Variants in RABGAP1L observed in about 807,000 individuals in gnomAD.
The protein encoded by RABGAP1L is RAB GTPase activating protein 1 like, also known as rab GTPase-activating protein 1-like.
Under a neutral mutation model 137.7 loss-of-function variants are expected in RABGAP1L, and 63 were observed. The ratio of observed to expected loss-of-function variants is 0.46; its 90% CI spans 0.37 to 0.56. The LOEUF is 0.56. Ranked by LOEUF, RABGAP1L falls within the 20% of genes least tolerant of loss-of-function variation. The pLI, the probability that RABGAP1L is intolerant of heterozygous loss-of-function variation, is 0.00. For missense variants in RABGAP1L, 1,095 were observed against 1,244.0 expected, an observed-to-expected ratio of 0.88 and a Z score of 1.80; for synonymous variants, 431 against 433.7, an observed-to-expected ratio of 0.99 and a Z score of 0.08.
chr1:174,612,662 T>G (rs536967580), intron 13 of RABGAP1L, among the ~76,000 whole-genome samples: 16 of 152,330 alleles, frequency 1.1e-4, no homozygotes, highest in Admixed American at 8.5e-4. Flanking sequence ...TCTGGTAGAA[T>G]TCGGCTGTGA....
intron 19 of RABGAP1L, among the ~76,000 whole-genome samples, chr1:174,831,698 G>T (rs1692131257): frequency 1.4e-5 from 2 of 147,682 alleles, no homozygotes; most frequent in African/African-American, 5.0e-5. Flanking sequence ...ATTTTTCATG[G>T]AGGTTCATGG....
chr1:174,873,214 A>T (rs1053729868), intron 19 of RABGAP1L, among the ~76,000 whole-genome samples: 1 of 151,756 alleles, frequency 6.6e-6, no homozygotes, highest in Non-Finnish European at 1.5e-5. Context: ...GACTACAGGC[A>T]CACACCACCA....
At chr1:174,672,603 T>C (rs1400119313) in intron 14 of RABGAP1L, among the ~76,000 whole-genome samples, 1 of 152,146 alleles carries the variant, frequency 6.6e-6, no homozygotes, top group Non-Finnish European at 1.5e-5. Context: ...TTGCTGTAAT[T>C]TTCCCTCTCA....
chr1:174,840,677 G>A (rs906891050), intron 19 of RABGAP1L, among the ~76,000 whole-genome samples: 9 of 151,058 alleles, frequency 6.0e-5, no homozygotes, highest in African/African-American at 1.9e-4. Flanking sequence ...TTAGCTGGGC[G>A]TGGTGGCAGG....
intron 13 of RABGAP1L, among the ~76,000 whole-genome samples, chr1:174,578,952 A>G (rs762531856): frequency 1.3e-5 from 2 of 152,158 alleles, no homozygotes; most frequent in Non-Finnish European, 2.9e-5. Context: ...TTTCATACAT[A>G]TGAGACTTTC....
chr1:174,290,530 G>A (rs978395087), intron 10 of RABGAP1L, among the ~76,000 whole-genome samples: 2 of 152,186 alleles, frequency 1.3e-5, no homozygotes, highest in African/African-American at 4.8e-5. Context: ...GTTCTTGTAT[G>A]TAGATAGTTG....
intron 11 of RABGAP1L, among the ~76,000 whole-genome samples, chr1:174,344,110 A>C (rs1682227918): frequency 6.6e-6 from 1 of 152,186 alleles, no homozygotes; most frequent in African/African-American, 2.4e-5. Flanking sequence ...TAAGAAATTT[A>C]AATGTTCTGG....
intron 12 of RABGAP1L, among the ~76,000 whole-genome samples, chr1:174,372,876 A>G (rs976706880): frequency 6.6e-6 from 1 of 152,208 alleles, no homozygotes; most frequent in Non-Finnish European, 1.5e-5. Context: ...TTGCATTGCC[A>G]TTATGTTATA....
chr1:174,762,807 C>CTTT lies in RABGAP1L; in HGVS notation c.2211+10476_2211+10478dup, dbSNP rs71563260. On this transcript the variant is annotated intron_variant, in intron 18 of 25. Coordinates refer to ENST00000681986, the MANE Select transcript of RABGAP1L (RefSeq NM_001366446.1). ...GCTTTTTCAACCCAGGTCTCCTTTG[C>CTTT]TTTTTTTTTTTTTTTTTTTTTTTTT... is the stretch of plus-strand genomic sequence containing the variant. Among the ~76,000 whole-genome samples, 107 of 81,808 alleles carry CTTT rather than the reference C, an allele frequency of 1.3e-3. 1 individual carries two copies. The highest frequency in any genetic ancestry group is 1.6e-3 in the Non-Finnish European group (68 of 42,648). The allele number at this position is 81,808 out of a possible 152,430, so 53.7% of individuals were successfully genotyped here.
intron 19 of RABGAP1L, among the ~76,000 whole-genome samples, chr1:174,956,969 G>A (rs1160779908): frequency 6.6e-6 from 1 of 152,086 alleles, no homozygotes. Flanking sequence ...ATTTCTTGTA[G>A]CTCAATTTTT....
chr1:174,550,961 C>CAT (rs1278158800), intron 13 of RABGAP1L, among the ~76,000 whole-genome samples: 6 of 78,958 alleles, frequency 7.6e-5, no homozygotes, highest in Admixed American at 1.3e-4. Context: ...TATATATACA[C>CAT]ATATATATAC....
At chr1:174,892,607 G>T (rs1283879314) in intron 19 of RABGAP1L, 2 of 533,606 alleles carry the variant, frequency 3.7e-6, no homozygotes, top group African/African-American at 1.9e-5. Flanking sequence ...GGTGGTTGGT[G>T]TTCTTGGCCT....
At chr1:174,539,059 T>A (rs1665133154) in intron 13 of RABGAP1L, among the ~76,000 whole-genome samples, 1 of 152,158 alleles carries the variant, frequency 6.6e-6, no homozygotes, top group African/African-American at 2.4e-5. Context: ...AACTTAAGTT[T>A]CCTCATTTAT....
At chr1:174,554,091 G>T (rs538026890) in intron 13 of RABGAP1L, among the ~76,000 whole-genome samples, 1 of 152,266 alleles carries the variant, frequency 6.6e-6, no homozygotes, top group Admixed American at 6.5e-5. Flanking sequence ...TCAATTCTGT[G>T]CTGTTTTAGT....
chr1:174,917,658 C>T (rs995364590), intron 19 of RABGAP1L, among the ~76,000 whole-genome samples: 5 of 152,066 alleles, frequency 3.3e-5, no homozygotes, highest in Non-Finnish European at 5.9e-5. Flanking sequence ...TGAGGCTGGG[C>T]GTGGTGGCTC....
At chr1:174,886,642 T>C (rs1655199711) in intron 19 of RABGAP1L, among the ~76,000 whole-genome samples, 1 of 152,242 alleles carries the variant, frequency 6.6e-6, no homozygotes, top group African/African-American at 2.4e-5. Flanking sequence ...AGGCCTTTAA[T>C]GCTCTTTGTT....
At chr1:174,416,042 ACAT>A (rs1558215052) in intron 13 of RABGAP1L, among the ~76,000 whole-genome samples, 1 of 148,342 alleles carries the variant, frequency 6.7e-6, no homozygotes, top group African/African-American at 2.5e-5. Context: ...ATATACACAC[ACAT>A]TTTTTTTTTC....
intron 14 of RABGAP1L, among the ~76,000 whole-genome samples, chr1:174,642,602 T>A (rs1674614607): frequency 6.6e-6 from 1 of 152,172 alleles, no homozygotes; most frequent in South Asian, 2.1e-4. Flanking sequence ...TGAGCCCTAG[T>A]TGAAATGTCA....
At chr1:174,762,432 A>T (rs1353752250) in intron 18 of RABGAP1L, among the ~76,000 whole-genome samples, 1 of 152,140 alleles carries the variant, frequency 6.6e-6, no homozygotes, top group African/African-American at 2.4e-5. Flanking sequence ...CAATAAGCTA[A>T]TTTCCATTTA....
Sources: allele counts gnomAD v4.1 joint callset (sites outside exome capture counted in the v4.1 genomes callset), GRCh38; gene constraint gnomAD v4.1.1; transcripts MANE v1.5; gene names NCBI Gene and HGNC (gene_info 2026-07-23, HGNC 2026-07-21).